DNAI3: variants seen among roughly 807,000 people sequenced by gnomAD.
DNAI3 encodes WD repeat domain 63.
A neutral mutation model predicts 115.5 loss-of-function variants in DNAI3; 83 were observed. That is an observed-to-expected ratio of 0.72 (90% CI 0.60 to 0.86). The LOEUF (loss-of-function observed/expected upper bound fraction) is 0.86, where lower values mean the gene tolerates loss of function less well. Ranked by LOEUF, DNAI3 falls within the 40% of genes least tolerant of loss-of-function variation. The pLI, the probability that DNAI3 is intolerant of heterozygous loss-of-function variation, is 0.00. For synonymous variants in DNAI3, 320 were observed against 347.0 expected, an observed-to-expected ratio of 0.92 and a Z score of 0.86; for missense variants, 1,004 against 1,075.8, an observed-to-expected ratio of 0.93 and a Z score of 0.93.
chr1:85,101,982 A>C lies in DNAI3; in HGVS notation c.1480-2542A>C, dbSNP rs532602125. Among the ~76,000 whole-genome samples the C allele has an allele frequency of 2.0e-5, 3 of 151,752 alleles. No homozygotes were observed. The East Asian group carries it at 5.8e-4, about 29-fold the overall frequency. On this transcript the variant is annotated intron_variant, in intron 13 of 22. Transcript: ENST00000294664. ...ACTAGGAGGCTGAGGCAGGAGGATGACTTGGAGTTTAAGACCAGCCTGGGC... is the reference window on the plus strand; with the variant it reads ...ACTAGGAGGCTGAGGCAGGAGGATGCCTTGGAGTTTAAGACCAGCCTGGGC...
At chr1:85,112,666 G>C (rs1655693132) in intron 16 of DNAI3, among the ~76,000 whole-genome samples, 1 of 152,154 alleles carries the variant, frequency 6.6e-6, no homozygotes, top group Non-Finnish European at 1.5e-5. Context: ...CTTACCTAAT[G>C]ACTTAAGTTG....
At position 85,085,887 on chromosome 1, in the gene DNAI3, TG is replaced by T. The variant is rs1557711421; in HGVS notation, c.598del (p.Asp200ThrfsTer7). 2.5e-6 allele frequency: 4 copies of T among 1,614,210 alleles called. No homozygotes were observed. In the Admixed American group the frequency reaches 6.7e-5, roughly 27 times the overall value. ...AATTTGGTGCACCAATTAAGTTCAGTGACCAGAATGCTTCCAGTGTAAAAGA... is the reference window on the plus strand; with the variant it reads ...AATTTGGTGCACCAATTAAGTTCAGTACCAGAATGCTTCCAGTGTAAAAGA... Reference protein sequence around the residue: ...SEFGAPIKFSDQNASSVKDAY... With the variant: ...SEFGAPIKFSXQNASSVKDAY... On this transcript the variant is annotated frameshift_variant, in exon 7 of 23. Coordinates refer to ENST00000294664, the MANE Select transcript of DNAI3 (RefSeq NM_145172.5). LOFTEE classifies it high-confidence loss of function.
At chr1:85,117,927 A>T in intron 17 of DNAI3, 68 bp downstream of exon 17, 2 of 1,538,056 alleles carry the variant, frequency 1.3e-6, no homozygotes, top group Non-Finnish European at 1.8e-6. Context: ...TACAATATCT[A>T]CTGTACATTT....
intron 3 of DNAI3, among the ~76,000 whole-genome samples, chr1:85,076,901 T>C (rs1654472955): frequency 6.6e-6 from 1 of 152,220 alleles, no homozygotes; most frequent in African/African-American, 2.4e-5. Context: ...CATAAACTTA[T>C]GACTTAAAGT....
At chr1:85,108,257 A>C (rs1046515172) in intron 15 of DNAI3, 80 bp downstream of exon 15, 7 of 1,372,634 alleles carry the variant, frequency 5.1e-6, no homozygotes, top group Non-Finnish European at 6.7e-6. Context: ...ACATATACAC[A>C]CACTCTCTAA....
chr1:85,073,758 T>C (rs933566811), intron 3 of DNAI3, among the ~76,000 whole-genome samples: 1 of 152,208 alleles, frequency 6.6e-6, no homozygotes, highest in African/African-American at 2.4e-5. Context: ...GGTGACTCCA[T>C]CTGACATGTT....
At chr1:85,075,795 C>T (rs912463785) in intron 3 of DNAI3, among the ~76,000 whole-genome samples, 4 of 152,140 alleles carry the variant, frequency 2.6e-5, no homozygotes, top group African/African-American at 9.7e-5. Context: ...TGCCTTAGCT[C>T]TATAAAGTAG....
intron 1 of DNAI3, among the ~76,000 whole-genome samples, chr1:85,069,921 TTAAAAA>T (rs1654215860): frequency 6.6e-6 from 1 of 152,154 alleles, no homozygotes; most frequent in Non-Finnish European, 1.5e-5. Flanking sequence ...GCAGAATATC[TTAAAAA>T]TAGAAATTGT....
chr1:85,107,472 A>C (rs2100596591), intron 14 of DNAI3, among the ~76,000 whole-genome samples: 1 of 152,336 alleles, frequency 6.6e-6, no homozygotes, highest in East Asian at 1.9e-4. Context: ...TAAGAGAAAA[A>C]TGGCAGTTAC....
chr1:85,066,543 T>C (rs1036297920), intron 1 of DNAI3, among the ~76,000 whole-genome samples: 4 of 152,024 alleles, frequency 2.6e-5, no homozygotes, highest in African/African-American at 7.2e-5. Flanking sequence ...TTAGCCAGGA[T>C]GGTCTTGATC....
At chr1:85,124,722 G>C (rs928868090) in intron 19 of DNAI3, among the ~76,000 whole-genome samples, 1 of 152,128 alleles carries the variant, frequency 6.6e-6, no homozygotes, top group Non-Finnish European at 1.5e-5. Context: ...TTGTAGAAAT[G>C]GGGATTTCAC....
chr1:85,125,222 T>C (rs897084954), intron 19 of DNAI3, among the ~76,000 whole-genome samples: 7 of 152,072 alleles, frequency 4.6e-5, no homozygotes, highest in Non-Finnish European at 7.4e-5. Context: ...CCTGAAACTA[T>C]ATATATATGT....
chr1:85,093,833 G>A (rs1346086996), intron 9 of DNAI3, 185 bp downstream of exon 9: 4 of 722,548 alleles, frequency 5.5e-6, no homozygotes, highest in Non-Finnish European at 9.8e-6. Flanking sequence ...AACCCTGTAG[G>A]ATACACACCT....
chr1:85,132,667 C>A (rs966793961), intron 22 of DNAI3, among the ~76,000 whole-genome samples, 188 bp from the exon 23 acceptor site: 4 of 152,018 alleles, frequency 2.6e-5, no homozygotes, highest in Non-Finnish European at 5.9e-5. Flanking sequence ...TGTTTCCCCC[C>A]ACTCCCTCCT....
At chr1:85,073,244 A>G in intron 3 of DNAI3, 152 bp downstream of exon 3, 1 of 513,720 alleles carries the variant, frequency 1.9e-6, no homozygotes, top group South Asian at 8.2e-5. Flanking sequence ...AAAATGAAAA[A>G]TTTTTAAAAG....
Position 85,117,877 on chromosome 1 carries a change from G to T in DNAI3, c.1917+18G>T. 1 of 1,608,104 alleles carries T rather than the reference G, an allele frequency of 6.2e-7. No homozygotes were observed. Among genetic ancestry groups the T allele is most frequent in the Non-Finnish European group, 8.5e-7 (1 of 1,176,684 alleles). ...GAACAGAGGTAAATTGGGATTATCT[G>T]CTTTTAAAATTAATACTTATTTATA... On this transcript the variant is annotated intron_variant, in intron 17 of 22. Transcript: ENST00000294664.
At chr1:85,110,243 A>T (rs963153817) in intron 16 of DNAI3, 108 bp downstream of exon 16, 2 of 879,038 alleles carry the variant, frequency 2.3e-6, no homozygotes, top group Non-Finnish European at 3.4e-6. Flanking sequence ...CGAGGTCAGC[A>T]GATCGAGATC....
At chr1:85,098,798 T>C (rs534988067) in intron 13 of DNAI3, 140 bp downstream of exon 13, 1 of 1,251,862 alleles carries the variant, frequency 8.0e-7, no homozygotes, top group African/African-American at 1.5e-5. Context: ...AAAATGGGGT[T>C]ACTGTTGCCA....
intron 10 of DNAI3, 103 bp downstream of exon 10, chr1:85,094,658 T>C: frequency 5.1e-6 from 7 of 1,371,514 alleles, no homozygotes; most frequent in Non-Finnish European, 6.8e-6. Context: ...CATGTAATGT[T>C]GTAAACATTT....
Sources: gnomAD v4.1 joint callset for allele counts (sites outside exome capture counted in the v4.1 genomes callset) on GRCh38, gnomAD v4.1.1 for gene constraint, MANE v1.5 for transcripts, NCBI Gene and HGNC (gene_info 2026-07-23, HGNC 2026-07-21) for gene names.